RPP30: variants seen among roughly 807,000 people sequenced by gnomAD.
The protein encoded by RPP30 is ribonuclease P/MRP subunit p30, also known as ribonuclease P protein subunit p30.
In RPP30, 36 loss-of-function variants were observed where a neutral mutation model predicts 38.6. The ratio of observed to expected loss-of-function variants is 0.93; its 90% CI spans 0.71 to 1.23. RPP30 has a LOEUF of 1.23. Ranked by LOEUF, RPP30 falls within the 50% of genes most tolerant of loss-of-function variation. The pLI is 0.00. For synonymous variants in RPP30, 126 were observed against 112.7 expected (o/e 1.12, Z -0.75); for missense variants, 321 against 321.7 (o/e 1.00, Z 0.02).
intron 1 of RPP30, 81 bp downstream of exon 1, chr10:90,872,149 A>G (rs769559705): frequency 8.3e-7 from 1 of 1,200,152 alleles, no homozygotes; most frequent in Non-Finnish European, 1.2e-6. Context: ...CTATTTCCTG[A>G]TGGGTCTCGG....
At chr10:90,898,232 G>C (rs1015567912) in intron 10 of RPP30, among the ~76,000 whole-genome samples, 1 of 152,126 alleles carries the variant, frequency 6.6e-6, no homozygotes, top group African/African-American at 2.4e-5. Context: ...TAAACTTAAA[G>C]AAGACTTGTG....
In RPP30 at chr10:90,894,828, C is replaced by T. The variant is rs1200299515; in HGVS notation, c.486C>T (p.Asp162=). The part of the protein sequence containing the change: ...FELVYSPAIK[D]STMRRYTISS... ...TTGTCTATAGCCCTGCTATCAAAGA[C>T]TCCACAATGAGAAGGTATACAATTT... Residue 162 remains aspartate, a synonymous_variant, in exon 7 of 11, where the codon GAC becomes GAT. Transcript: ENST00000371703. 1.9e-6 allele frequency: 3 copies of T among 1,613,582 alleles called. No homozygotes were observed. The South Asian group carries it at 3.3e-5, about 18-fold the overall frequency.
chr10:90,898,879 C>A (rs1003910723), intron 10 of RPP30, among the ~76,000 whole-genome samples: 2 of 152,192 alleles, frequency 1.3e-5, no homozygotes, highest in African/African-American at 4.8e-5. Context: ...TGCCCTCAAT[C>A]AGCCCCTGGA....
downstream of RPP30, among the ~76,000 whole-genome samples, chr10:90,906,937 A>G (rs1424911537): frequency 6.6e-6 from 1 of 152,208 alleles, no homozygotes; most frequent in African/African-American, 2.4e-5. Flanking sequence ...TGACTATGTG[A>G]TTAAAAACTT....
rs779595937 is a variant in RPP30, at chr10:90,894,761, T to C, written c.433-14T>C. On this transcript the variant is annotated splice_polypyrimidine_tract_variant and intron_variant, in intron 6 of 10. Transcript: ENST00000371703. ...CATGCTTATCTCTGACAGTTCTCTTTATTTCCTGTGAAGGCGATTGACCGA... is the reference window on the plus strand; with the variant it reads ...CATGCTTATCTCTGACAGTTCTCTTCATTTCCTGTGAAGGCGATTGACCGA... 1 of 1,588,290 alleles carries C rather than the reference T, an allele frequency of 6.3e-7. No homozygotes were observed. The highest frequency in any genetic ancestry group is 1.1e-5 in the South Asian group (1 of 90,458).
chr10:90,901,485 A>G lies in RPP30; in HGVS notation c.*806A>G, dbSNP rs988955351. On this transcript the variant is annotated 3_prime_UTR_variant, in exon 11 of 11. Transcript: ENST00000371703. ...GAAGGAGAGAGGATACACATGTAAA[A>G]TTACATCTGGTCTCTTCCTTCACTG... is the stretch of plus-strand genomic sequence containing the variant. The G allele has an allele frequency of 3.1e-5, 31 of 984,732 alleles. No homozygotes were observed. The highest frequency in any genetic ancestry group is 3.7e-5 in the Non-Finnish European group (31 of 829,456). 61.0% of individuals were successfully genotyped at this position (984,732 alleles called of 1,614,324 possible).
Position 90,875,898 on chromosome 10 carries a change from A to T in RPP30, c.196-126A>T. 8 of 640,830 alleles carry T rather than the reference A, an allele frequency of 1.2e-5. No homozygotes were observed. In the South Asian group the frequency reaches 1.6e-4, roughly 13 times the overall value. The allele number at this position is 640,830 out of a possible 1,614,324, so 39.7% of individuals were successfully genotyped here. ...TATTGTAAATTCCTAGAGAACAAGG[A>T]CTGGGTTTTATTGATCTTCACTATC... On this transcript the variant is annotated intron_variant, in intron 3 of 10. Transcript: ENST00000371703.
At position 90,885,838 on chromosome 10, in the gene RPP30, T is replaced by C. The variant is rs1846993271; in HGVS notation, c.369T>C (p.Asp123=). ...FHIACTHLDV[D]LVCITVTEKL... is the part of the protein sequence containing the mutation. ...TTGCTTGCACACATTTAGATGTGGA[T>C]TTAGTCTGCATAACTGTAACAGAGA... The change falls in exon 6 of 11, where the codon GAT becomes GAC. Residue 123 remains aspartate, a synonymous_variant. Transcript: ENST00000371703. 1 of 1,611,468 alleles carries C rather than the reference T, an allele frequency of 6.2e-7. No individual in the cohort carries two copies. The highest frequency in any genetic ancestry group is 1.7e-5 in the Admixed American group (1 of 59,660).
At chr10:90,872,883 A>G (rs1846800718) in intron 1 of RPP30, among the ~76,000 whole-genome samples, 1 of 152,148 alleles carries the variant, frequency 6.6e-6, no homozygotes, top group Non-Finnish European at 1.5e-5. Flanking sequence ...CCGTGGCGAA[A>G]TGACTGTCCC....
chr10:90,889,729 A>G (rs1224818964), intron 6 of RPP30, among the ~76,000 whole-genome samples: 1 of 152,178 alleles, frequency 6.6e-6, no homozygotes, highest in African/African-American at 2.4e-5. Context: ...GGGATTGTGA[A>G]GGAGGGCCCA....
In RPP30 at chr10:90,901,494, G is replaced by A; in HGVS notation, c.*815G>A. ...AGGATACACATGTAAAATTACATCTGGTCTCTTCCTTCACTGCTTCATGCC... is the reference window on the plus strand; with the variant it reads ...AGGATACACATGTAAAATTACATCTAGTCTCTTCCTTCACTGCTTCATGCC... On this transcript the variant is annotated 3_prime_UTR_variant, in exon 11 of 11. Transcript: ENST00000371703. 1.0e-6 allele frequency: 1 copy of A among 984,592 alleles called. No homozygotes were observed. The highest frequency in any genetic ancestry group is 1.2e-6 in the Non-Finnish European group (1 of 829,330). 61.0% of individuals were successfully genotyped at this position (984,592 alleles called of 1,614,324 possible).
rs773707268 is a variant in RPP30, at chr10:90,879,176, A to G, written c.342+42A>G. 42 of 1,472,196 alleles carry G rather than the reference A, an allele frequency of 2.9e-5. No homozygotes were observed. In the African/African-American group the frequency reaches 5.3e-4, roughly 19 times the overall value. 91.2% of individuals were successfully genotyped at this position (1,472,196 alleles called of 1,614,324 possible). A position where few individuals can be genotyped will look rare whatever the true frequency, so the allele number is the denominator to read the frequency against. ...TAAAAGAAAGTAGTGTATATATGTT[A>G]TATAAGAAGTCTGATGTTCTGACTT... On this transcript the variant is annotated intron_variant, in intron 5 of 10. Coordinates refer to ENST00000371703, the MANE Select transcript of RPP30 (RefSeq NM_006413.5).
chr10:90,901,902 T>C lies in RPP30; in HGVS notation c.*1223T>C. The C allele has an allele frequency of 1.9e-6, 1 of 534,150 alleles. No individual in the cohort carries two copies. Among genetic ancestry groups the C allele is most frequent in the Non-Finnish European group, 2.4e-6 (1 of 419,526 alleles). 33.1% of individuals were successfully genotyped at this position (534,150 alleles called of 1,614,324 possible). A position where few individuals can be genotyped will look rare whatever the true frequency, so the allele number is the denominator to read the frequency against. ...GGCTCGATCTCTGCTCACTGCAAGC[T>C]CCGCCTCCTGGGTTCATGCCATTCT... On this transcript the variant is annotated 3_prime_UTR_variant, in exon 11 of 11. Coordinates refer to ENST00000371703, the MANE Select transcript of RPP30 (RefSeq NM_006413.5).
downstream of RPP30, among the ~76,000 whole-genome samples, chr10:90,907,337 G>A (rs1029824812): frequency 2.0e-5 from 3 of 152,180 alleles, no homozygotes; most frequent in African/African-American, 7.2e-5. Context: ...GGAAGGTAGA[G>A]GGGCCAACAA....
intron 6 of RPP30, 61 bp from the exon 7 acceptor site, chr10:90,894,714 G>C: frequency 2.6e-6 from 3 of 1,154,312 alleles, no homozygotes; most frequent in Non-Finnish European, 3.9e-6. Flanking sequence ...GAGAGAATCA[G>C]TGAAAATGAA....
intron 1 of RPP30, 142 bp from the exon 2 acceptor site, chr10:90,874,727 A>C (rs561882189): frequency 5.0e-5 from 23 of 457,506 alleles, no homozygotes; most frequent in Non-Finnish European, 8.4e-5. Context: ...ACTTTAAATC[A>C]GGCAGACTGA....
At chr10:90,890,712 GT>G (rs1847071051) in intron 6 of RPP30, among the ~76,000 whole-genome samples, 1 of 151,880 alleles carries the variant, frequency 6.6e-6, no homozygotes, top group Non-Finnish European at 1.5e-5. Flanking sequence ...CAGAAACAAG[GT>G]TAAAAGACAG....
At chr10:90,890,868 G>A (rs112232605) in intron 6 of RPP30, among the ~76,000 whole-genome samples, 205 of 151,590 alleles carry the variant, frequency 1.4e-3, no homozygotes, top group African/African-American at 4.7e-3. Flanking sequence ...ATATGAAAAA[G>A]GCATTTCACA....
downstream of RPP30, chr10:90,903,224 T>C (rs879721162): frequency 6.2e-7 from 1 of 1,609,328 alleles, no homozygotes; most frequent in Non-Finnish European, 8.5e-7. Context: ...ACTTTTGATC[T>C]CTCATCAGAG....
Sources: allele counts gnomAD v4.1 joint callset (sites outside exome capture counted in the v4.1 genomes callset), GRCh38; gene constraint gnomAD v4.1.1; transcripts MANE v1.5; gene names NCBI Gene and HGNC (gene_info 2026-07-23, HGNC 2026-07-21).